The following GNAT2 variants were observed in gnomAD, a reference collection of about 807,000 sequenced individuals.
GNAT2 encodes G protein subunit alpha transducin 2, also known as guanine nucleotide-binding protein G(t) subunit alpha-2.
In GNAT2, 32 loss-of-function variants were observed where a neutral mutation model predicts 40.9. The observed-to-expected ratio is 0.78, with a 90% CI of 0.59 to 1.05. The LOEUF is 1.05. GNAT2 is among the 50% of genes least tolerant of loss of function. The pLI is 0.00. For missense variants in GNAT2, 355 were observed against 431.5 expected (o/e 0.82, Z 1.57); for synonymous variants, 141 against 157.2 (o/e 0.90, Z 0.77).
At chr1:109,608,548 G>C in intron 5 of GNAT2, 83 bp downstream of exon 5, 1 of 1,351,794 alleles carries the variant, frequency 7.4e-7, no homozygotes, top group Non-Finnish European at 1.1e-6. Flanking sequence ...ATTTTGGGTT[G>C]GGTGAGGTTT....
chr1:109,616,976 G>C (rs1477788340), intron 1 of GNAT2: 1 of 152,306 alleles, frequency 6.6e-6, no homozygotes, highest in Non-Finnish European at 1.5e-5. Context: ...TCAATGGCAA[G>C]GGGTTTGACT....
chr1:109,604,066 T>C lies in GNAT2; in HGVS notation c.759A>G (p.Ile253Met). 1.2e-6 allele frequency: 2 copies of C among 1,611,242 alleles called. No individual in the cohort carries two copies. Among genetic ancestry groups the C allele is most frequent in the Non-Finnish European group, 1.7e-6 (2 of 1,177,378 alleles). ...MHESLHLFNSICNHKFFAATS... is the reference protein window; with the variant it reads ...MHESLHLFNSMCNHKFFAATS... Reference sequence around the variant, plus strand: ...TAGCCGCAAAGAATTTGTGGTTACATATGCTGTTGAACAGATGCAAAGACT... The same window carrying C: ...TAGCCGCAAAGAATTTGTGGTTACACATGCTGTTGAACAGATGCAAAGACT... Residue 253 changes from isoleucine to methionine, a missense_variant, in exon 8 of 9, where the codon ATA (isoleucine) becomes ATG (methionine). Physicochemically the swap from Ile to Met is conservative, Grantham distance 10 (BLOSUM62 1). Coordinates refer to ENST00000679935, the MANE Select transcript of GNAT2 (RefSeq NM_001377295.2).
intron 4 of GNAT2, 83 bp downstream of exon 4, chr1:109,609,957 C>T: frequency 7.4e-7 from 1 of 1,350,868 alleles, no homozygotes; most frequent in Non-Finnish European, 1.1e-6. Context: ...CCCATCTTTC[C>T]ATATAGTTTG....
At chr1:109,607,983 C>T (rs1649662504) in intron 5 of GNAT2, 1 of 160,230 alleles carries the variant, frequency 6.2e-6, no homozygotes, top group Admixed American at 5.7e-5. Flanking sequence ...GACTTTGAAG[C>T]CCATACTTGT....
intron 1 of GNAT2, chr1:109,616,562 TG>T (rs1649955516): frequency 6.6e-6 from 1 of 151,642 alleles, no homozygotes; most frequent in Non-Finnish European, 1.5e-5. Flanking sequence ...TAGGCAGAGG[TG>T]GGGGAAATTC....
chr1:109,609,480 T>A (rs960370125), intron 4 of GNAT2: 8 of 178,612 alleles, frequency 4.5e-5, no homozygotes, highest in East Asian at 2.9e-4. Context: ...AAAAAAATTT[T>A]AAAAAATAGC....
intron 3 of GNAT2, 125 bp from the exon 4 acceptor site, chr1:109,610,306 T>G: frequency 7.9e-7 from 1 of 1,272,360 alleles, no homozygotes; most frequent in Non-Finnish European, 1.1e-6. Flanking sequence ...TTTCTCAAAG[T>G]GGAGGGTGAG....
intron 5 of GNAT2, 39 bp from the exon 6 acceptor site, chr1:109,606,475 C>G (rs1405877467): frequency 1.3e-6 from 2 of 1,595,734 alleles, no homozygotes; most frequent in African/African-American, 2.7e-5. Flanking sequence ...AAATTTTCCA[C>G]AGACGAGGCT....
chr1:109,604,535 T>C (rs1232486686), intron 7 of GNAT2: 2 of 196,966 alleles, frequency 1.0e-5, no homozygotes, highest in African/African-American at 2.3e-5. Context: ...CCCATATGCA[T>C]CTCCAGGATG....
chr1:109,612,964 A>T, intron 1 of GNAT2, 41 bp from the exon 2 acceptor site: 1 of 874,510 alleles, frequency 1.1e-6, no homozygotes, highest in Non-Finnish European at 1.9e-6. Flanking sequence ...GTTGGGATTG[A>T]GTATCCCAAC....
chr1:109,603,300 A>AAAAT lies in GNAT2; in HGVS notation c.*53_*54insATTT. On this transcript the variant is annotated 3_prime_UTR_variant, in exon 9 of 9. Coordinates refer to ENST00000679935, the MANE Select transcript of GNAT2 (RefSeq NM_001377295.2). The stretch of plus-strand genomic sequence containing the variant: ...TATTGACTATAATTTTCTGTTTTTA[A>AAAAT]TTACCCAGATTCCAAGCCTGTTTAT... 1 of 980,906 alleles carries AAAAT rather than the reference A, an allele frequency of 1.0e-6. No homozygotes were observed. 60.8% of individuals were successfully genotyped at this position (980,906 alleles called of 1,614,324 possible).
chr1:109,608,632 A>G lies in GNAT2; in HGVS notation c.460T>C (p.Tyr154His), dbSNP rs1649693944. 5 of 1,613,500 alleles carry G rather than the reference A, an allele frequency of 3.1e-6. No homozygotes were observed. The Admixed American group carries it at 8.3e-5, about 27-fold the overall frequency. The change falls in exon 5 of 9, where the codon TAC becomes CAC. Residue 154 changes from tyrosine to histidine, a missense_variant and splice_region_variant. Tyr to His is a moderately conservative substitution (Grantham distance 83). Transcript: ENST00000679935. Reference sequence around the variant, plus strand: ...CACCCTCTCACCAGTCAGTCTTACTAAGATGCGGAGTCATTAAGCTGGTAT... The same window carrying G: ...CACCCTCTCACCAGTCAGTCTTACTGAGATGCGGAGTCATTAAGCTGGTAT... ...AEYQLNDSAS[Y>H]YLNQLERITD...
Position 109,603,362 on chromosome 1 carries a change from G to A in GNAT2, c.1057C>T (p.Leu353Phe), listed in dbSNP as rs61754627. The A allele has an allele frequency of 9.1e-5, 143 of 1,578,380 alleles. No homozygotes were observed. The highest frequency in any genetic ancestry group is 1.2e-4 in the Non-Finnish European group (135 of 1,148,454). The part of the protein sequence containing the change: ...IIKENLKDCG[L>F]F Reference sequence around the variant, plus strand: ...CTGAGGAATGGTGAGGATTAGAAGAGGCCGCAGTCCTTGAGGTTTTCTTTG... The same window carrying A: ...CTGAGGAATGGTGAGGATTAGAAGAAGCCGCAGTCCTTGAGGTTTTCTTTG... The change falls in exon 9 of 9, where the codon CTC (leucine) becomes TTC (phenylalanine). Residue 353 changes from leucine (L) to phenylalanine (F), a missense_variant. Coordinates refer to ENST00000679935, the MANE Select transcript of GNAT2 (RefSeq NM_001377295.2).
chr1:109,612,254 T>G, intron 2 of GNAT2: 1 of 192,966 alleles, frequency 5.2e-6, no homozygotes, highest in Non-Finnish European at 1.1e-5. Context: ...ACTTCCAAAG[T>G]TTTTACTGAA....
chr1:109,618,737 T>C (rs1650032881), intron 1 of GNAT2, among the ~76,000 whole-genome samples: 1 of 152,204 alleles, frequency 6.6e-6, no homozygotes, highest in Non-Finnish European at 1.5e-5. Context: ...CTGTTCTCTT[T>C]TTAGTTTTAT....
intron 7 of GNAT2, chr1:109,604,338 T>G: frequency 1.8e-6 from 1 of 543,230 alleles, no homozygotes; most frequent in African/African-American, 1.9e-5. Context: ...TCTGAGTCTG[T>G]TTTCCTATCT....
intron 4 of GNAT2, chr1:109,609,832 G>C (rs536208802): frequency 1.7e-6 from 1 of 588,802 alleles, no homozygotes; most frequent in Non-Finnish European, 3.1e-6. Flanking sequence ...GAAAGGTACC[G>C]TCTACCTTAA....
rs745308973 is a variant in GNAT2, at chr1:109,606,417, G to A, written c.481C>T (p.Arg161Ter). The change falls in exon 6 of 9, where the codon CGA becomes TGA. Residue 161 changes from arginine (R) to a stop codon, truncating the protein, a stop_gained. Coordinates refer to ENST00000679935, the MANE Select transcript of GNAT2 (RefSeq NM_001377295.2). LOFTEE classifies it high-confidence loss of function. ...GGGAGGTACTCAGGGTCTGTAATTC[G>A]TTCTAATTGGTTCAGGTAGCTAGAG... ...SASYYLNQLE[R>*]ITDPEYLPSE... 1.5e-5 allele frequency: 24 copies of A among 1,612,742 alleles called. No individual in the cohort carries two copies. Among genetic ancestry groups the A allele is most frequent in the Middle Eastern group, 1.6e-4 (1 of 6,084 alleles).
intron 1 of GNAT2, chr1:109,618,381 G>T (rs538477787): frequency 1.3e-5 from 2 of 152,012 alleles, no homozygotes; most frequent in African/African-American, 4.8e-5. Context: ...CCTATTGTTC[G>T]ACCTTTAAAG....
Sources: allele counts gnomAD v4.1 joint callset (sites outside exome capture counted in the v4.1 genomes callset), GRCh38; gene constraint gnomAD v4.1.1; transcripts MANE v1.5; gene names NCBI Gene and HGNC (gene_info 2026-07-23, HGNC 2026-07-21).